PKHD1: variants seen among roughly 807,000 people sequenced by gnomAD.
PKHD1 encodes PKHD1 ciliary IPT domain containing fibrocystin/polyductin, also known as fibrocystin.
Under a neutral mutation model 412.0 loss-of-function variants are expected in PKHD1, and 291 were observed. That is an observed-to-expected ratio of 0.71 (90% CI 0.64 to 0.78). The LOEUF (loss-of-function observed/expected upper bound fraction) is 0.78. PKHD1 is among the 30% of genes least tolerant of loss of function. The probability of loss-of-function intolerance (pLI) is 0.00; values close to 1 mark genes in which losing one functional copy is unlikely to be tolerated. For missense variants in PKHD1, 4,825 were observed against 4,950.7 expected, an observed-to-expected ratio of 0.97 and a Z score of 0.76; for synonymous variants, 1,777 against 1,821.5, an observed-to-expected ratio of 0.98 and a Z score of 0.62.
chr6:51,891,201 T>C (rs1196924030), intron 43 of PKHD1, among the ~76,000 whole-genome samples: 2 of 152,240 alleles, frequency 1.3e-5, no homozygotes, highest in Admixed American at 1.3e-4. Flanking sequence ...TCAGTCATTC[T>C]AGACTAATAT....
chr6:51,775,655 G>A (rs937536236), intron 54 of PKHD1, among the ~76,000 whole-genome samples, 153 bp downstream of exon 54: 4 of 151,846 alleles, frequency 2.6e-5, no homozygotes, highest in African/African-American at 4.8e-5. Flanking sequence ...CTACTCACAA[G>A]AGAGCTGGTA....
intron 35 of PKHD1, among the ~76,000 whole-genome samples, chr6:52,000,460 T>C (rs1289326092): frequency 1.3e-5 from 2 of 152,218 alleles, no homozygotes; most frequent in African/African-American, 4.8e-5. Context: ...TCCCATGACA[T>C]ATGGTTTCAT....
At chr6:51,754,585 C>T (rs889467767) in intron 56 of PKHD1, among the ~76,000 whole-genome samples, 199 bp downstream of exon 56, 4 of 152,078 alleles carry the variant, frequency 2.6e-5, no homozygotes, top group African/African-American at 7.2e-5. Context: ...ATGTGTATAA[C>T]ATCCAAGTAT....
chr6:51,740,738 A>G (rs1784451471), intron 60 of PKHD1, among the ~76,000 whole-genome samples: 2 of 152,362 alleles, frequency 1.3e-5, no homozygotes, highest in African/African-American at 4.8e-5. Flanking sequence ...TTAAGGAAGA[A>G]GGGATTTACT....
At chr6:51,653,328 A>G (rs1190485515) in intron 61 of PKHD1, among the ~76,000 whole-genome samples, 4 of 152,096 alleles carry the variant, frequency 2.6e-5, no homozygotes, top group Non-Finnish European at 4.4e-5. Context: ...CCAATTCCTA[A>G]GAGGGAAGAA....
chr6:51,968,250 C>A (rs754285402), intron 35 of PKHD1, among the ~76,000 whole-genome samples: 1 of 152,052 alleles, frequency 6.6e-6, no homozygotes, highest in Non-Finnish European at 1.5e-5. Context: ...AATTTTTTTA[C>A]AGAAACAAAC....
chr6:51,776,037 G>C, intron 53 of PKHD1, 116 bp from the exon 54 acceptor site: 1 of 645,352 alleles, frequency 1.5e-6, no homozygotes, highest in Non-Finnish European at 2.8e-6. Flanking sequence ...AGACTATATG[G>C]AGGAGTCAAT....
At chr6:52,020,845 T>C (rs959494994) in intron 33 of PKHD1, among the ~76,000 whole-genome samples, 1 of 152,150 alleles carries the variant, frequency 6.6e-6, no homozygotes, top group Admixed American at 6.5e-5. Flanking sequence ...AAATTAGTAG[T>C]AGTTTCTAGT....
intron 56 of PKHD1, among the ~76,000 whole-genome samples, chr6:51,753,786 A>G (rs973681155): frequency 4.6e-5 from 7 of 152,168 alleles, no homozygotes; most frequent in African/African-American, 1.7e-4. Flanking sequence ...GAGCAAAAGC[A>G]GCTGTGTGTA....
chr6:51,936,844 T>G (rs1418392626), intron 36 of PKHD1, among the ~76,000 whole-genome samples: 6 of 152,072 alleles, frequency 3.9e-5, no homozygotes, highest in Non-Finnish European at 8.8e-5. Context: ...CAGCACCACA[T>G]GACAGATAGC....
intron 39 of PKHD1, among the ~76,000 whole-genome samples, 155 bp from the exon 40 acceptor site, chr6:51,909,629 T>A (rs1254193512): frequency 6.6e-6 from 1 of 152,146 alleles, no homozygotes; most frequent in Non-Finnish European, 1.5e-5. Context: ...GATTCTCCTC[T>A]GTATATTATT....
At chr6:52,045,918 T>C in intron 24 of PKHD1, 86 bp downstream of exon 24, 1 of 905,788 alleles carries the variant, frequency 1.1e-6, no homozygotes, top group East Asian at 2.4e-5. Flanking sequence ...TCATGACAGT[T>C]TCCATTTGTA....
At chr6:51,886,044 A>C in intron 44 of PKHD1, 72 bp from the exon 45 acceptor site, 4 of 938,598 alleles carry the variant, frequency 4.3e-6, no homozygotes, top group Non-Finnish European at 6.9e-6. Context: ...TTGTTGAAAA[A>C]TACAAAGTAA....
chr6:51,691,978 G>A (rs557432763), intron 60 of PKHD1, among the ~76,000 whole-genome samples: 12 of 152,002 alleles, frequency 7.9e-5, no homozygotes, highest in Admixed American at 3.9e-4. Flanking sequence ...TACTAAACAA[G>A]GAAACTTGTC....
intron 48 of PKHD1, among the ~76,000 whole-genome samples, chr6:51,861,663 A>G (rs1452798396): frequency 6.6e-6 from 1 of 152,134 alleles, no homozygotes; most frequent in Non-Finnish European, 1.5e-5. Flanking sequence ...TCACAGCACC[A>G]CTATTCTATC....
intron 13 of PKHD1, among the ~76,000 whole-genome samples, chr6:52,064,738 C>G (rs1157575502): frequency 6.6e-6 from 1 of 151,636 alleles, no homozygotes; most frequent in African/African-American, 2.4e-5. Flanking sequence ...GGCCATACAG[C>G]TGGCTGGAGC....
chr6:52,066,509 T>C (rs1403531717), intron 11 of PKHD1, among the ~76,000 whole-genome samples: 1 of 151,986 alleles, frequency 6.6e-6, no homozygotes, highest in African/African-American at 2.4e-5. Context: ...TGAATTTCAC[T>C]GTCTTTAGGA....
At chr6:51,982,854 TAAAAA>T (rs1166127059) in intron 35 of PKHD1, among the ~76,000 whole-genome samples, 2 of 101,102 alleles carry the variant, frequency 2.0e-5, no homozygotes, top group African/African-American at 3.4e-5. Flanking sequence ...AATAAAAAAA[TAAAAA>T]TAAAATAAAA....
At chr6:51,819,519 C>A (rs1766029086) in intron 52 of PKHD1, among the ~76,000 whole-genome samples, 1 of 152,072 alleles carries the variant, frequency 6.6e-6, no homozygotes, top group African/African-American at 2.4e-5. Context: ...ACAGTATATG[C>A]TTTCATTACT....
Sources: allele counts gnomAD v4.1 joint callset (sites outside exome capture counted in the v4.1 genomes callset), GRCh38; gene constraint gnomAD v4.1.1; transcripts MANE v1.5; gene names NCBI Gene and HGNC (gene_info 2026-07-23, HGNC 2026-07-21).